The following GAB4 variants were observed in gnomAD, a reference collection of about 807,000 sequenced individuals.
GAB4 encodes the protein GRB2 associated binding protein family member 4.
In GAB4, 26 loss-of-function variants were observed where a neutral mutation model predicts 51.3. The ratio of observed to expected loss-of-function variants is 0.51; its 90% CI spans 0.37 to 0.70. The LOEUF is 0.70. Ranked by LOEUF, GAB4 falls within the 30% of genes least tolerant of loss-of-function variation. The pLI, the probability that GAB4 is intolerant of heterozygous loss-of-function variation, is 0.00. For missense variants in GAB4, 759 were observed against 734.6 expected, an observed-to-expected ratio of 1.03 and a Z score of -0.38; for synonymous variants, 329 against 291.2, an observed-to-expected ratio of 1.13 and a Z score of -1.32.
intron 1 of GAB4, among the ~76,000 whole-genome samples, chr22:16,999,562 T>C (rs1386538475): frequency 6.6e-6 from 1 of 152,220 alleles, no homozygotes; most frequent in Non-Finnish European, 1.5e-5. Flanking sequence ...TAGAGGTCTT[T>C]CAATTCTGTT....
chr22:17,001,134 G>A (rs2060994393), intron 1 of GAB4, among the ~76,000 whole-genome samples: 1 of 152,020 alleles, frequency 6.6e-6, no homozygotes. Flanking sequence ...TGCTCTTCTC[G>A]AAGATTATCT....
intron 2 of GAB4, among the ~76,000 whole-genome samples, chr22:16,988,453 C>T (rs1252258073): frequency 2.7e-5 from 4 of 150,262 alleles, no homozygotes; most frequent in Admixed American, 6.6e-5. Flanking sequence ...GAGTGTGGTC[C>T]GGGCCCCCAG....
intron 3 of GAB4, among the ~76,000 whole-genome samples, chr22:16,973,599 A>G (rs576813537): frequency 4.2e-4 from 64 of 152,288 alleles, no homozygotes; most frequent in African/African-American, 1.5e-3. Context: ...TCTCTGATGC[A>G]TCAAAATGTT....
chr22:16,991,474 C>T (rs1013654780), intron 2 of GAB4, among the ~76,000 whole-genome samples: 1 of 152,200 alleles, frequency 6.6e-6, no homozygotes, highest in African/African-American at 2.4e-5. Context: ...TCTGTATTTG[C>T]TCCTCTCACC....
At chr22:16,966,443 A>G (rs2060676074) in intron 5 of GAB4, 79 bp from the exon 6 acceptor site, 1 of 1,437,504 alleles carries the variant, frequency 7.0e-7, no homozygotes. Flanking sequence ...GACAAGGCCA[A>G]AAAGAGTCAT....
rs528320482 is a variant in GAB4 at position 16,985,669 on chromosome 22, G to A, written c.686+2291C>T. Among the ~76,000 whole-genome samples the A allele has an allele frequency of 2.0e-5, 3 of 152,332 alleles. No homozygotes were observed. The South Asian group carries it at 6.2e-4, about 32-fold the overall frequency. ...TCTGTAGAAACTACACTGAGATATTGCTAATTGTCCTCTCACTCCCTCATC... is the reference window on the plus strand; with the variant it reads ...TCTGTAGAAACTACACTGAGATATTACTAATTGTCCTCTCACTCCCTCATC... On this transcript the variant is annotated intron_variant, in intron 3 of 9. Coordinates refer to ENST00000400588, the MANE Select transcript of GAB4 (RefSeq NM_001037814.1).
chr22:16,967,954 C>T (rs1357463715), intron 5 of GAB4, among the ~76,000 whole-genome samples: 1 of 152,138 alleles, frequency 6.6e-6, no homozygotes, highest in East Asian at 1.9e-4. Context: ...TCTGCCTACC[C>T]ATACCAAAGG....
chr22:16,987,553 GA>G (rs1243792838), intron 3 of GAB4, among the ~76,000 whole-genome samples: 2 of 152,210 alleles, frequency 1.3e-5, no homozygotes, highest in South Asian at 2.1e-4. Flanking sequence ...AGCTACTGTG[GA>G]GCAGCACAGC....
intron 5 of GAB4, chr22:16,967,575 G>C (rs1282133099): frequency 2.6e-5 from 4 of 152,526 alleles, no homozygotes; most frequent in Non-Finnish European, 5.9e-5. Context: ...TATCAGGGAG[G>C]TATAGGGAGC....
At chr22:16,964,462 G>A (rs544928350) in intron 8 of GAB4, among the ~76,000 whole-genome samples, 2 of 152,278 alleles carry the variant, frequency 1.3e-5, no homozygotes, top group African/African-American at 2.4e-5. Context: ...TCCCCATGGC[G>A]AAGCAGACAC....
chr22:16,998,241 G>C (rs974413529), intron 1 of GAB4, among the ~76,000 whole-genome samples: 8 of 152,188 alleles, frequency 5.3e-5, no homozygotes, highest in African/African-American at 1.4e-4. Flanking sequence ...TGGGCAGTGT[G>C]GCCATTTTCA....
chr22:16,997,255 C>G (rs908939805), intron 1 of GAB4, among the ~76,000 whole-genome samples: 2 of 152,214 alleles, frequency 1.3e-5, no homozygotes, highest in Non-Finnish European at 2.9e-5. Context: ...TTTACACTCC[C>G]ACCAACAGTG....
chr22:17,000,982 C>T (rs1302693541), intron 1 of GAB4, among the ~76,000 whole-genome samples: 1 of 152,178 alleles, frequency 6.6e-6, no homozygotes, highest in Non-Finnish European at 1.5e-5. Context: ...TCTCTTCTGG[C>T]TTGTAGAGTT....
intron 1 of GAB4, among the ~76,000 whole-genome samples, chr22:17,001,952 C>G (rs1478581243): frequency 6.6e-6 from 1 of 152,176 alleles, no homozygotes; most frequent in African/African-American, 2.4e-5. Context: ...GGGCATGGGA[C>G]CCCCCGAGCC....
rs765692227 is a variant in GAB4 at position 16,991,929 on chromosome 22, T to G, written c.422A>C (p.Asn141Thr). Residue 141 changes from asparagine (N) to threonine (T), a missense_variant, in exon 2 of 10, where the codon AAT (asparagine) becomes ACT (threonine). Physicochemically the swap from Asn to Thr is moderately conservative, Grantham distance 65 (BLOSUM62 0). Around this residue, in one of 3 missense-constraint regions of GAB4, gnomAD observed 88 missense variants for 151.3 expected, o/e 0.58. Transcript: ENST00000400588. ...YLVAETREDM[N>T]EWVQSICQIC... Reference sequence around the variant, plus strand: ...CTGACAGATGCTCTGGACCCACTCATTCATGTCCTCCCTGGTCTCAGCCAC... The same window carrying G: ...CTGACAGATGCTCTGGACCCACTCAGTCATGTCCTCCCTGGTCTCAGCCAC... The G allele has an allele frequency of 1.4e-5, 22 of 1,614,056 alleles. No homozygotes were observed. Among genetic ancestry groups the G allele is most frequent in the Admixed American group, 5.0e-5 (3 of 60,010 alleles).
At chr22:16,994,695 G>C (rs143217632) in intron 1 of GAB4, among the ~76,000 whole-genome samples, 6 of 152,274 alleles carry the variant, frequency 3.9e-5, no homozygotes, top group Non-Finnish European at 7.4e-5. Flanking sequence ...AGATTTCTTA[G>C]AAGTTCCTGT....
At chr22:16,981,046 T>C (rs1231422071) in intron 3 of GAB4, among the ~76,000 whole-genome samples, 1 of 151,978 alleles carries the variant, frequency 6.6e-6, no homozygotes, top group Non-Finnish European at 1.5e-5. Flanking sequence ...TTAGGAGAAA[T>C]ACTTAATGTA....
Position 16,988,125 on chromosome 22 carries a change from G to A in GAB4, c.521C>T (p.Ser174Phe). ...NISSASHGLC[S>F]SPAEPSCSHQ... ...GGAGCAGCTGGGCTCAGCTGGAGAA[G>A]AGCAGAGGCCGTGACTGGCTGAGGA... Residue 174 changes from serine to phenylalanine, a missense_variant, in exon 3 of 10, where the codon TCT becomes TTT. Physicochemically the swap from Ser to Phe is radical, Grantham distance 155. Around this residue, in one of 3 missense-constraint regions of GAB4, gnomAD observed 88 missense variants for 151.3 expected, o/e 0.58. Coordinates refer to ENST00000400588, the MANE Select transcript of GAB4 (RefSeq NM_001037814.1). 6.2e-7 allele frequency: 1 copy of A among 1,613,056 alleles called. No homozygotes were observed. The highest frequency in any genetic ancestry group is 2.2e-5 in the East Asian group (1 of 44,870).
At chr22:16,986,827 C>T (rs1360508651) in intron 3 of GAB4, among the ~76,000 whole-genome samples, 2 of 152,324 alleles carry the variant, frequency 1.3e-5, no homozygotes, top group African/African-American at 4.8e-5. Context: ...GAAGGAATCG[C>T]ATTGCTTCAG....
Sources: gnomAD v4.1 joint callset for allele counts (sites outside exome capture counted in the v4.1 genomes callset) on GRCh38, gnomAD v4.1.1 for gene constraint, gnomAD v4.1.1 regional missense constraint, MANE v1.5 for transcripts, NCBI Gene and HGNC (gene_info 2026-07-23, HGNC 2026-07-21) for gene names.